Variants in ZNF385D observed in about 807,000 individuals in gnomAD.
ZNF385D encodes the protein zinc finger protein 385D.
A neutral mutation model predicts 35.8 loss-of-function variants in ZNF385D; 15 were observed. That is an observed-to-expected ratio of 0.42 (90% CI 0.28 to 0.64). ZNF385D has a LOEUF of 0.64. ZNF385D is among the 30% of genes least tolerant of loss of function. The pLI is 0.23. For missense variants in ZNF385D, 474 were observed against 494.6 expected (o/e 0.96, Z 0.39); for synonymous variants, 212 against 186.8 (o/e 1.13, Z -1.10).
At chr3:22,239,596 T>C (rs1380133998) in intron 2 of ZNF385D, among the ~76,000 whole-genome samples, 1 of 151,114 alleles carries the variant, frequency 6.6e-6, no homozygotes, top group Non-Finnish European at 1.5e-5. Context: ...GTATTTTATT[T>C]AGGTTTTACC....
intron 3 of ZNF385D, among the ~76,000 whole-genome samples, chr3:21,926,567 C>T (rs1382700274): frequency 6.6e-6 from 1 of 152,120 alleles, no homozygotes; most frequent in Non-Finnish European, 1.5e-5. Context: ...CAAGTCTTTG[C>T]TATTGTGAAC....
At chr3:22,231,955 C>T (rs1366157703) in intron 2 of ZNF385D, among the ~76,000 whole-genome samples, 1 of 152,068 alleles carries the variant, frequency 6.6e-6, no homozygotes, top group East Asian at 1.9e-4. Flanking sequence ...CCATGGAAGA[C>T]GTGCCTCCTT....
chr3:21,479,229 A>G (rs944022714), intron 4 of ZNF385D, among the ~76,000 whole-genome samples: 3 of 151,738 alleles, frequency 2.0e-5, no homozygotes, highest in Non-Finnish European at 4.4e-5. Context: ...CAGGAAATGC[A>G]TATCTTTCCG....
chr3:21,744,473 G>T (rs139978917), intron 1 of ZNF385D, among the ~76,000 whole-genome samples: 118 of 152,282 alleles, frequency 7.7e-4, no homozygotes, highest in African/African-American at 2.8e-3. Flanking sequence ...CATCATAAAT[G>T]ACAACCTTCA....
In ZNF385D at chr3:22,006,714, CT is replaced by C. The variant is rs910914835; in HGVS notation, c.325+162102del. ...ACAGCATATTACATTTGCTGAGAAGCTTTTTTTTGTGAAAACAATAAAAATT... is the reference window on the plus strand; with the variant it reads ...ACAGCATATTACATTTGCTGAGAAGCTTTTTTTGTGAAAACAATAAAAATT... On this transcript the variant is annotated intron_variant, in intron 3 of 5. Transcript: ENST00000494108. Among the ~76,000 whole-genome samples, 16 of 151,474 alleles carry C rather than the reference CT, an allele frequency of 1.1e-4. 1 individual carries two copies. The highest frequency in any genetic ancestry group is 3.4e-3 in the Middle Eastern group (1 of 294).
At chr3:21,928,419 C>G (rs1700851963) in intron 3 of ZNF385D, among the ~76,000 whole-genome samples, 1 of 151,254 alleles carries the variant, frequency 6.6e-6, no homozygotes, top group South Asian at 2.1e-4. Context: ...GAAAGGGATG[C>G]AGGGAGGGAG....
intron 3 of ZNF385D, among the ~76,000 whole-genome samples, chr3:21,906,715 T>G (rs991857248): frequency 4.6e-5 from 7 of 152,140 alleles, no homozygotes; most frequent in Admixed American, 6.6e-5. Flanking sequence ...TTCCAGGTGT[T>G]TGGCTTTTGG....
chr3:21,730,516 A>T (rs1329762036), intron 1 of ZNF385D, among the ~76,000 whole-genome samples: 1 of 152,224 alleles, frequency 6.6e-6, no homozygotes, highest in Non-Finnish European at 1.5e-5. Flanking sequence ...AAATAATAAT[A>T]ATTCCACATA....
At chr3:21,705,613 T>C (rs1194660814) in intron 1 of ZNF385D, among the ~76,000 whole-genome samples, 1 of 152,192 alleles carries the variant, frequency 6.6e-6, no homozygotes, top group Non-Finnish European at 1.5e-5. Context: ...AGGTCATTTC[T>C]TAATCTCTTC....
At chr3:22,099,058 A>C (rs540785948) in intron 3 of ZNF385D, among the ~76,000 whole-genome samples, 14 of 152,234 alleles carry the variant, frequency 9.2e-5, no homozygotes, top group Admixed American at 9.2e-4. Context: ...AGCAAAAAAA[A>C]TCCAATCTAC....
chr3:21,461,274 T>A (rs544574), intron 4 of ZNF385D, among the ~76,000 whole-genome samples: 4 of 152,142 alleles, frequency 2.6e-5, no homozygotes, highest in Admixed American at 6.5e-5. Context: ...CTTTGAGGCC[T>A]GGCACAGTGG....
chr3:21,845,728 T>A (rs1482854772), intron 3 of ZNF385D, among the ~76,000 whole-genome samples: 1 of 152,018 alleles, frequency 6.6e-6, no homozygotes, highest in East Asian at 1.9e-4. Flanking sequence ...GTGAGAAGGC[T>A]TAAAAGTCTT....
intron 3 of ZNF385D, among the ~76,000 whole-genome samples, chr3:21,788,462 G>C (rs1405259619): frequency 6.6e-6 from 1 of 152,202 alleles, no homozygotes; most frequent in Non-Finnish European, 1.5e-5. Context: ...CTGGGGGATA[G>C]AGCGAGACTC....
At chr3:21,947,460 C>G (rs188220852) in intron 3 of ZNF385D, among the ~76,000 whole-genome samples, 1 of 151,876 alleles carries the variant, frequency 6.6e-6, no homozygotes, top group Admixed American at 6.6e-5. Context: ...AAGCCATTCT[C>G]CTGCCTCAGC....
intron 2 of ZNF385D, among the ~76,000 whole-genome samples, chr3:22,294,295 T>C (rs1702455033): frequency 6.6e-6 from 1 of 152,084 alleles, no homozygotes; most frequent in Non-Finnish European, 1.5e-5. Context: ...GCCTCTCCTA[T>C]TGGTGCCTCT....
At chr3:22,346,360 T>G (rs1695659774) in intron 2 of ZNF385D, among the ~76,000 whole-genome samples, 1 of 152,244 alleles carries the variant, frequency 6.6e-6, no homozygotes, top group Non-Finnish European at 1.5e-5. Flanking sequence ...TTTGAAGCAC[T>G]GTACTGGGAT....
chr3:21,811,778 C>G (rs1422823333), intron 3 of ZNF385D, among the ~76,000 whole-genome samples: 5 of 152,148 alleles, frequency 3.3e-5, no homozygotes, highest in Non-Finnish European at 7.4e-5. Flanking sequence ...GAGAACAGCA[C>G]CATTTTGCAA....
intron 2 of ZNF385D, among the ~76,000 whole-genome samples, chr3:22,230,714 C>T (rs1698835764): frequency 6.6e-6 from 1 of 152,076 alleles, no homozygotes; most frequent in African/African-American, 2.4e-5. Flanking sequence ...TGGCTTTATA[C>T]AAGGAAAAAT....
At chr3:22,129,944 T>C (rs147506685) in intron 3 of ZNF385D, among the ~76,000 whole-genome samples, 49 of 152,240 alleles carry the variant, frequency 3.2e-4, no homozygotes, top group African/African-American at 1.1e-3. Flanking sequence ...GCCAGCATAA[T>C]ATTGGGTCTT....
Sources: gnomAD v4.1 joint callset for allele counts (sites outside exome capture counted in the v4.1 genomes callset) on GRCh38, gnomAD v4.1.1 for gene constraint, MANE v1.5 for transcripts, NCBI Gene and HGNC (gene_info 2026-07-23, HGNC 2026-07-21) for gene names.